Variants in SHISA9 observed in about 807,000 individuals in gnomAD.
SHISA9 encodes protein shisa-9.
Under a neutral mutation model 38.0 loss-of-function variants are expected in SHISA9, and 13 were observed. The ratio of observed to expected loss-of-function variants is 0.34; its 90% confidence interval spans 0.22 to 0.54. The LOEUF is 0.54. SHISA9 is among the 20% of genes least tolerant of loss of function. SHISA9 has a pLI of 0.91. For synonymous variants in SHISA9, 275 were observed against 242.0 expected (o/e 1.14, Z -1.27); for missense variants, 538 against 575.8 (o/e 0.93, Z 0.67).
chr16:13,197,104 T>TATACACACACAC (rs748572860), intron 2 of SHISA9, among the ~76,000 whole-genome samples: 56 of 106,578 alleles, frequency 5.3e-4, no homozygotes, highest in Non-Finnish European at 7.2e-4. Flanking sequence ...TCTCTGTACA[T>TATACACACACAC]ACACACACAC....
chr16:13,555,903 G>T, the SHISA9 span, among the ~76,000 whole-genome samples: 2 of 152,238 alleles, frequency 1.3e-5, no homozygotes, highest in African/African-American at 2.4e-5. Flanking sequence ...TCTAGGTTCA[G>T]TTCCTCACTC....
chr16:13,079,208 G>C (rs919726387), intron 2 of SHISA9, among the ~76,000 whole-genome samples: 3 of 152,184 alleles, frequency 2.0e-5, no homozygotes, highest in Non-Finnish European at 4.4e-5. Context: ...AGGGTTACAG[G>C]ATCTAGAGTC....
At chr16:13,088,090 A>G (rs528024613) in intron 2 of SHISA9, among the ~76,000 whole-genome samples, 4 of 152,258 alleles carry the variant, frequency 2.6e-5, no homozygotes, top group East Asian at 3.9e-4. Flanking sequence ...TCCTTTCCCC[A>G]TTTCTTGTTT....
chr16:13,429,876 G>A, the SHISA9 span, among the ~76,000 whole-genome samples: 62,175 of 152,032 alleles, frequency 0.41, 12,939 homozygotes, highest in African/African-American at 0.44. Context: ...GAGCTAAATT[G>A]TGTCTCCCCC....
chr16:12,934,136 G>A (rs1426166591), intron 2 of SHISA9, among the ~76,000 whole-genome samples: 3 of 152,202 alleles, frequency 2.0e-5, no homozygotes, highest in African/African-American at 4.8e-5. Flanking sequence ...TGGGGCTGAA[G>A]TCTGGCAAGG....
the SHISA9 span, among the ~76,000 whole-genome samples, chr16:13,319,845 C>G: frequency 6.6e-6 from 1 of 150,828 alleles, no homozygotes; most frequent in Non-Finnish European, 1.5e-5. Context: ...ACGCATGTGG[C>G]TTTTCCAGCG....
At chr16:13,356,555 A>G in the SHISA9 span, among the ~76,000 whole-genome samples, 1 of 152,092 alleles carries the variant, frequency 6.6e-6, no homozygotes, top group Non-Finnish European at 1.5e-5. Flanking sequence ...GGTGATAAAA[A>G]GATTATAGGG....
chr16:13,239,321 G>A lies in SHISA9; in HGVS notation c.*3912G>A, dbSNP rs1327716698. 6.6e-6 allele frequency: 1 copy of A among 151,256 alleles called. No individual in the cohort carries two copies. The highest frequency in any genetic ancestry group is 2.4e-5 in the African/African-American group (1 of 41,118). The allele number at this position is 151,256 out of a possible 1,614,324, so 9.4% of individuals were successfully genotyped here. A position where few individuals can be genotyped will look rare whatever the true frequency, so the allele number is the denominator to read the frequency against. ...TACGTGTGCATGTGTCTTTATAGCA[G>A]CATGATTTATAGTCCTTTGGGTATA... On this transcript the variant is annotated 3_prime_UTR_variant, in exon 5 of 5. Coordinates refer to ENST00000558583, the MANE Select transcript of SHISA9 (RefSeq NM_001145204.3).
At chr16:13,135,257 A>G (rs2050339164) in intron 2 of SHISA9, among the ~76,000 whole-genome samples, 2 of 152,232 alleles carry the variant, frequency 1.3e-5, no homozygotes, top group Non-Finnish European at 2.9e-5. Context: ...ACACATTGTA[A>G]AGCTCTATTC....
intron 2 of SHISA9, among the ~76,000 whole-genome samples, chr16:13,081,157 C>T (rs2073644366): frequency 1.3e-5 from 2 of 152,188 alleles, no homozygotes; most frequent in Admixed American, 1.3e-4. Context: ...CATTCTTAGT[C>T]TCATTTTATT....
the SHISA9 span, among the ~76,000 whole-genome samples, chr16:13,262,664 GGA>G: frequency 2.5e-4 from 28 of 114,126 alleles, no homozygotes; most frequent in African/African-American, 8.6e-4. Flanking sequence ...AAGGAAGGAA[GGA>G]AGGAAGGGAG....
At chr16:13,107,199 G>C (rs1304646356) in intron 2 of SHISA9, among the ~76,000 whole-genome samples, 1 of 151,948 alleles carries the variant, frequency 6.6e-6, no homozygotes, top group Admixed American at 6.6e-5. Flanking sequence ...TTGGGAGGCC[G>C]AGTGGGTAGA....
chr16:13,391,843 C>T, the SHISA9 span, among the ~76,000 whole-genome samples: 16 of 152,276 alleles, frequency 1.1e-4, no homozygotes, highest in South Asian at 2.1e-4. Flanking sequence ...TGGGTAATAA[C>T]GGTGGCAATT....
At chr16:13,224,000 C>T (rs2051254917) in intron 4 of SHISA9, among the ~76,000 whole-genome samples, 1 of 152,174 alleles carries the variant, frequency 6.6e-6, no homozygotes, top group East Asian at 1.9e-4. Context: ...GATAAACAGC[C>T]AAAGCTCTCT....
chr16:13,469,397 G>GAAAGAAAGAAAGAAAGAAAGAA, the SHISA9 span, among the ~76,000 whole-genome samples: 2 of 121,234 alleles, frequency 1.6e-5, no homozygotes, highest in African/African-American at 6.8e-5. Flanking sequence ...AAGAAAGAAA[G>GAAAGAAAGAAAGAAAGAAAGAA]AAAGAAAGAA....
At chr16:13,014,167 G>A (rs1190328342) in intron 2 of SHISA9, among the ~76,000 whole-genome samples, 1 of 152,184 alleles carries the variant, frequency 6.6e-6, no homozygotes, top group Admixed American at 6.5e-5. Context: ...CTGAGGCAGA[G>A]AGCAGTTAGA....
chr16:13,271,790 G>A, the SHISA9 span, among the ~76,000 whole-genome samples: 3 of 151,944 alleles, frequency 2.0e-5, no homozygotes, highest in African/African-American at 7.2e-5. Context: ...GTGTGTGTGA[G>A]AATGTTCTAG....
the SHISA9 span, among the ~76,000 whole-genome samples, chr16:13,475,506 A>C: frequency 6.6e-6 from 1 of 152,050 alleles, no homozygotes; most frequent in South Asian, 2.1e-4. Flanking sequence ...AGTGATCAAG[A>C]CAGTAATGGT....
At chr16:13,298,305 T>C in the SHISA9 span, among the ~76,000 whole-genome samples, 10 of 152,234 alleles carry the variant, frequency 6.6e-5, no homozygotes, top group African/African-American at 2.2e-4. Flanking sequence ...CAAACTCCTA[T>C]AGGGAAAAGT....
Sources: allele counts gnomAD v4.1 joint callset (sites outside exome capture counted in the v4.1 genomes callset), GRCh38; gene constraint gnomAD v4.1.1; transcripts MANE v1.5; gene names NCBI Gene and HGNC (gene_info 2026-07-23, HGNC 2026-07-21).